Variants in PDE3A observed in about 807,000 individuals in gnomAD.
The protein encoded by PDE3A is cGMP-inhibited 3',5'-cyclic phosphodiesterase 3A.
PDE3A carries 43 observed loss-of-function variants against 98.3 expected under a neutral mutation model. That is an observed-to-expected ratio of 0.44 (90% CI 0.34 to 0.56). The LOEUF (loss-of-function observed/expected upper bound fraction) is 0.56, where lower values mean the gene tolerates loss of function less well. Among genes scored for constraint, PDE3A ranks in the 20% least tolerant of loss-of-function variants. PDE3A has a pLI of 0.01. For missense variants in PDE3A, 1,427 were observed against 1,440.7 expected (o/e 0.99, Z 0.15); for synonymous variants, 663 against 567.9 (o/e 1.17, Z -2.38).
intron 2 of PDE3A, among the ~76,000 whole-genome samples, chr12:20,588,419 A>C (rs1015944393): frequency 1.3e-5 from 2 of 152,160 alleles, no homozygotes; most frequent in African/African-American, 4.8e-5. Context: ...AGAGGACCAT[A>C]AACTACTCAG....
At chr12:20,472,600 G>A (rs1945457834) in intron 1 of PDE3A, among the ~76,000 whole-genome samples, 1 of 151,720 alleles carries the variant, frequency 6.6e-6, no homozygotes, top group Non-Finnish European at 1.5e-5. Flanking sequence ...CATTATCACA[G>A]CTGCAACTCA....
intron 15 of PDE3A, among the ~76,000 whole-genome samples, chr12:20,668,228 C>A (rs1369341558): frequency 6.6e-6 from 1 of 152,228 alleles, no homozygotes; most frequent in Non-Finnish European, 1.5e-5. Context: ...ATTGCTAGCA[C>A]AGCAGTCTGA....
intron 2 of PDE3A, among the ~76,000 whole-genome samples, chr12:20,574,544 G>C (rs979515146): frequency 6.6e-6 from 1 of 152,006 alleles, no homozygotes; most frequent in African/African-American, 2.4e-5. Context: ...TAAAAAGTAT[G>C]TGGAATAAAC....
chr12:20,459,413 G>A (rs908316579), intron 1 of PDE3A, among the ~76,000 whole-genome samples: 6 of 152,174 alleles, frequency 3.9e-5, no homozygotes, highest in Admixed American at 3.3e-4. Context: ...CTTAAAGGCA[G>A]AAAATATATA....
At chr12:20,463,729 A>T (rs1429114379) in intron 1 of PDE3A, among the ~76,000 whole-genome samples, 1 of 152,186 alleles carries the variant, frequency 6.6e-6, no homozygotes, top group Non-Finnish European at 1.5e-5. Context: ...TTTTCTACTT[A>T]CAAAAGTAGT....
At chr12:20,475,956 A>G (rs977592099) in intron 1 of PDE3A, among the ~76,000 whole-genome samples, 1 of 152,226 alleles carries the variant, frequency 6.6e-6, no homozygotes, top group African/African-American at 2.4e-5. Flanking sequence ...GCGAGAAGCC[A>G]TAAGCACAAG....
intron 2 of PDE3A, among the ~76,000 whole-genome samples, chr12:20,585,237 T>A (rs1459823060): frequency 6.6e-6 from 1 of 152,202 alleles, no homozygotes; most frequent in Non-Finnish European, 1.5e-5. Flanking sequence ...AATCAGCAGC[T>A]ACTAATGACC....
At chr12:20,385,802 G>A (rs1943746330) in intron 1 of PDE3A, among the ~76,000 whole-genome samples, 2 of 149,464 alleles carry the variant, frequency 1.3e-5, no homozygotes, top group African/African-American at 4.9e-5. Flanking sequence ...GGTGGGGGGA[G>A]TGGGGAGGTA....
chr12:20,456,528 C>T (rs1945154134), intron 1 of PDE3A, among the ~76,000 whole-genome samples: 1 of 152,002 alleles, frequency 6.6e-6, no homozygotes, highest in Non-Finnish European at 1.5e-5. Context: ...TCGATAGCTC[C>T]AAAGCAAAAC....
chr12:20,415,395 T>C (rs1242937094), intron 1 of PDE3A, among the ~76,000 whole-genome samples: 1 of 129,722 alleles, frequency 7.7e-6, no homozygotes, highest in Non-Finnish European at 1.7e-5. Flanking sequence ...GGCCTCCTTT[T>C]ATCTACTTAT....
At chr12:20,391,441 G>A (rs61911355) in intron 1 of PDE3A, among the ~76,000 whole-genome samples, 4,085 of 148,476 alleles carry the variant, frequency 0.028, 78 homozygotes, top group Middle Eastern at 0.047. Context: ...ATTCCGGACC[G>A]TTGACTCTGG....
At chr12:20,658,321 T>C (rs1352046069) in intron 15 of PDE3A, among the ~76,000 whole-genome samples, 2 of 152,166 alleles carry the variant, frequency 1.3e-5, no homozygotes, top group Non-Finnish European at 1.5e-5. Flanking sequence ...TACTGCTAGC[T>C]CCTTTTCACC....
intron 1 of PDE3A, among the ~76,000 whole-genome samples, chr12:20,527,029 C>T (rs751208892): frequency 2.6e-5 from 4 of 151,674 alleles, no homozygotes; most frequent in Non-Finnish European, 5.9e-5. Context: ...AGCAATTCTC[C>T]GGCCTCAGCC....
chr12:20,671,022 C>A (rs1278090284), intron 15 of PDE3A, among the ~76,000 whole-genome samples: 1 of 112,318 alleles, frequency 8.9e-6, no homozygotes, highest in African/African-American at 3.9e-5. Context: ...GGGATATCAC[C>A]ACCGATCCCA....
At chr12:20,515,328 ATGTTAAATG>A (rs1238924897) in intron 1 of PDE3A, among the ~76,000 whole-genome samples, 4 of 152,232 alleles carry the variant, frequency 2.6e-5, no homozygotes, top group African/African-American at 7.2e-5. Flanking sequence ...TACCACTAAC[ATGTTAAATG>A]TGTTTCTGAA....
At position 20,684,126 on chromosome 12, in the gene PDE3A, G is replaced by A. The variant is rs1328134897; in HGVS notation, c.*3855G>A. ...TAATTTATAAAAGTGAACTAATTGT[G>A]TGATTATCAAATCCTGATTAATGAG... On this transcript the variant is annotated 3_prime_UTR_variant, in exon 16 of 16. Transcript: ENST00000359062. 2 of 152,092 alleles carry A rather than the reference G, an allele frequency of 1.3e-5. No homozygotes were observed. Among genetic ancestry groups the A allele is most frequent in the Non-Finnish European group, 2.9e-5 (2 of 67,978 alleles). The allele number at this position is 152,092 out of a possible 1,614,324, so 9.4% of individuals were successfully genotyped here.
At chr12:20,525,723 T>C (rs1946506763) in intron 1 of PDE3A, among the ~76,000 whole-genome samples, 1 of 152,176 alleles carries the variant, frequency 6.6e-6, no homozygotes, top group Non-Finnish European at 1.5e-5. Flanking sequence ...CTACAAAATA[T>C]TACTTCATTT....
At chr12:20,604,203 G>C (rs1943659477) in intron 2 of PDE3A, among the ~76,000 whole-genome samples, 1 of 146,758 alleles carries the variant, frequency 6.8e-6, no homozygotes, top group Non-Finnish European at 1.5e-5. Context: ...AAGGAGAGGA[G>C]AGAAGAGGGG....
chr12:20,560,248 A>T (rs1348139337), intron 2 of PDE3A, among the ~76,000 whole-genome samples: 1 of 152,204 alleles, frequency 6.6e-6, no homozygotes, highest in Non-Finnish European at 1.5e-5. Flanking sequence ...CCAGAAAAAT[A>T]TTAAAAGAAA....
Sources: allele counts gnomAD v4.1 joint callset (sites outside exome capture counted in the v4.1 genomes callset), GRCh38; gene constraint gnomAD v4.1.1; transcripts MANE v1.5; gene names NCBI Gene and HGNC (gene_info 2026-07-23, HGNC 2026-07-21).